The following LRCH1 variants were observed in gnomAD, a reference collection of about 807,000 sequenced individuals.
LRCH1 encodes leucine rich repeats and calponin homology domain containing 1.
A neutral mutation model predicts 94.9 loss-of-function variants in LRCH1; 23 were observed. The observed-to-expected ratio is 0.24, with a 90% CI of 0.17 to 0.34. LRCH1 has a LOEUF of 0.34. Ranked by LOEUF, LRCH1 falls within the 10% of genes least tolerant of loss-of-function variation. The probability of loss-of-function intolerance (pLI) is 1.00; values close to 1 mark genes in which losing one functional copy is unlikely to be tolerated. For synonymous variants in LRCH1, 364 were observed against 354.9 expected (o/e 1.03, Z -0.29); for missense variants, 790 against 945.9 (o/e 0.84, Z 2.16).
At chr13:46,611,587 T>C (rs2138003689) in intron 1 of LRCH1, among the ~76,000 whole-genome samples, 1 of 152,320 alleles carries the variant, frequency 6.6e-6, no homozygotes, top group Non-Finnish European at 1.5e-5. Context: ...GCTTACCTTT[T>C]CATCTCTAAA....
At chr13:46,580,256 T>A (rs555711178) in intron 1 of LRCH1, among the ~76,000 whole-genome samples, 45 of 152,216 alleles carry the variant, frequency 3.0e-4, no homozygotes, top group African/African-American at 1.1e-3. Flanking sequence ...CATCAAATTA[T>A]AACCTGACTG....
intron 8 of LRCH1, among the ~76,000 whole-genome samples, chr13:46,694,146 A>G (rs1871054912): frequency 1.3e-5 from 2 of 152,248 alleles, no homozygotes; most frequent in Non-Finnish European, 2.9e-5. Flanking sequence ...AATTTTTCAA[A>G]TAAAAGAATT....
At chr13:46,667,848 T>C (rs2051540576) in intron 2 of LRCH1, among the ~76,000 whole-genome samples, 1 of 152,206 alleles carries the variant, frequency 6.6e-6, no homozygotes, top group Admixed American at 6.5e-5. Flanking sequence ...AAACCATCCA[T>C]TGTACCTATA....
At chr13:46,739,875 A>G (rs181689363) in intron 19 of LRCH1, among the ~76,000 whole-genome samples, 1 of 152,270 alleles carries the variant, frequency 6.6e-6, no homozygotes, top group African/African-American at 2.4e-5. Flanking sequence ...GCCTGCCCCC[A>G]TGAGGAGTGT....
intron 1 of LRCH1, among the ~76,000 whole-genome samples, chr13:46,557,986 A>G (rs543384435): frequency 7.1e-4 from 108 of 152,334 alleles, no homozygotes; most frequent in Non-Finnish European, 1.4e-3. Flanking sequence ...AGTGAAAGCC[A>G]TGATCGCGCC....
In LRCH1 at chr13:46,733,903, G is replaced by A. The variant is rs777952564; in HGVS notation, c.2008-18G>A. 171 of 1,497,546 alleles carry A rather than the reference G, an allele frequency of 1.1e-4. 1 individual carries two copies. The East Asian group carries it at 1.2e-3, about 11-fold the overall frequency. The allele number at this position is 1,497,546 out of a possible 1,614,324, so 92.8% of individuals were successfully genotyped here. On this transcript the variant is annotated intron_variant, in intron 18 of 19. Coordinates refer to ENST00000389797, the MANE Select transcript of LRCH1 (RefSeq NM_001164211.2). Reference sequence around the variant, plus strand: ...CTCTTTTAAATAATATATTATTTCCGTATATTTGCATTTATAGCCCAAACT... The same window carrying A: ...CTCTTTTAAATAATATATTATTTCCATATATTTGCATTTATAGCCCAAACT...
intron 10 of LRCH1, among the ~76,000 whole-genome samples, chr13:46,700,863 G>A (rs1871428140): frequency 6.6e-6 from 1 of 152,182 alleles, no homozygotes; most frequent in Admixed American, 6.5e-5. Flanking sequence ...GTGCACAGGG[G>A]CAGTTAGGGG....
chr13:46,724,402 T>G (rs1279313037), intron 17 of LRCH1, among the ~76,000 whole-genome samples: 1 of 152,176 alleles, frequency 6.6e-6, no homozygotes, highest in Non-Finnish European at 1.5e-5. Context: ...TTAACAATGT[T>G]TATAGTTATC....
intron 11 of LRCH1, 53 bp downstream of exon 11, chr13:46,701,260 T>G: frequency 2.4e-6 from 3 of 1,259,702 alleles, no homozygotes; most frequent in Non-Finnish European, 3.5e-6. Flanking sequence ...CATACTAATG[T>G]ATGGAGTACA....
chr13:46,712,355 G>T (rs1175654756), intron 14 of LRCH1, among the ~76,000 whole-genome samples, 170 bp from the exon 15 acceptor site: 1 of 152,212 alleles, frequency 6.6e-6, no homozygotes, highest in South Asian at 2.1e-4. Flanking sequence ...TGTTGGTTAT[G>T]CCATTTAACA....
At chr13:46,559,572 A>T (rs1023640055) in intron 1 of LRCH1, among the ~76,000 whole-genome samples, 4 of 152,246 alleles carry the variant, frequency 2.6e-5, no homozygotes, top group African/African-American at 7.2e-5. Context: ...AACAGTCTCC[A>T]CAAACCTACA....
intron 17 of LRCH1, among the ~76,000 whole-genome samples, chr13:46,727,471 C>T (rs1258122453): frequency 6.6e-6 from 1 of 152,104 alleles, no homozygotes; most frequent in African/African-American, 2.4e-5. Context: ...AGAAGAGGAA[C>T]TTGGGGGTGG....
chr13:46,650,722 CAAAAAAAAAAAA>C (rs756410319), intron 2 of LRCH1, among the ~76,000 whole-genome samples: 2 of 58,222 alleles, frequency 3.4e-5, no homozygotes, highest in South Asian at 1.4e-3. Context: ...AAACAAGGAG[CAAAAAAAAAAAA>C]AAAAAAAAGA....
intron 1 of LRCH1, among the ~76,000 whole-genome samples, chr13:46,595,084 T>C (rs1386641314): frequency 1.3e-5 from 2 of 152,230 alleles, no homozygotes; most frequent in Admixed American, 6.5e-5. Context: ...TTCTGGGGTT[T>C]GCTTTTTGCC....
chr13:46,621,347 C>G (rs1054023910), intron 1 of LRCH1, among the ~76,000 whole-genome samples: 2 of 152,148 alleles, frequency 1.3e-5, no homozygotes, highest in Non-Finnish European at 2.9e-5. Flanking sequence ...AAATGCCATG[C>G]ACATTTGTCA....
Position 46,751,992 on chromosome 13 carries a change from C to T in LRCH1, c.*1342C>T, listed in dbSNP as rs549533782. The T allele has an allele frequency of 3.8e-4, 58 of 152,498 alleles. No homozygotes were observed. The Middle Eastern group carries it at 0.014, about 36-fold the overall frequency. The allele number at this position is 152,498 out of a possible 1,614,324, so 9.4% of individuals were successfully genotyped here. On this transcript the variant is annotated 3_prime_UTR_variant, in exon 19 of 19. Coordinates refer to the LRCH1 transcript ENST00000311191. ...CTGGTGTGAAACCTCAGAAGTGAGT[C>T]GTTGTGAGCCTGTGGGCAGCACCAC...
intron 16 of LRCH1, among the ~76,000 whole-genome samples, chr13:46,722,246 A>G (rs1231096798): frequency 1.3e-5 from 2 of 152,166 alleles, no homozygotes; most frequent in Non-Finnish European, 2.9e-5. Flanking sequence ...TTCTCTGCCC[A>G]AAATTTTCTG....
rs1292776372 is a variant in LRCH1, at chr13:46,705,057, C to T, written c.1401-11C>T. On this transcript the variant is annotated splice_polypyrimidine_tract_variant and intron_variant, in intron 11 of 19. Transcript: ENST00000389797. Reference sequence around the variant, plus strand: ...ATACGTTTACTAATATCTTTTTTTCCTACTCTTTAGATTAAGCACAGATAT... The same window carrying T: ...ATACGTTTACTAATATCTTTTTTTCTTACTCTTTAGATTAAGCACAGATAT... 14 of 1,422,388 alleles carry T rather than the reference C, an allele frequency of 9.8e-6. No individual in the cohort carries two copies. The highest frequency in any genetic ancestry group is 1.9e-4 in the Middle Eastern group (1 of 5,394). 88.1% of individuals were successfully genotyped at this position (1,422,388 alleles called of 1,614,324 possible).
chr13:46,575,540 G>A (rs1230085247), intron 1 of LRCH1, among the ~76,000 whole-genome samples: 1 of 151,932 alleles, frequency 6.6e-6, no homozygotes, highest in African/African-American at 2.4e-5. Flanking sequence ...GTGTGTGTGT[G>A]TGTGTTGTGG....
Sources: gnomAD v4.1 joint callset for allele counts (sites outside exome capture counted in the v4.1 genomes callset) on GRCh38, gnomAD v4.1.1 for gene constraint, MANE v1.5 for transcripts, NCBI Gene and HGNC (gene_info 2026-07-23, HGNC 2026-07-21) for gene names.